TMPRSS15: variants seen among roughly 807,000 people sequenced by gnomAD.
TMPRSS15 encodes the protein enteropeptidase.
Under a neutral mutation model 125.3 loss-of-function variants are expected in TMPRSS15, and 128 were observed. That is an observed-to-expected ratio of 1.02 (90% CI 0.89 to 1.18). The LOEUF is 1.18. Among genes scored for constraint, TMPRSS15 ranks in the 50% most tolerant of loss-of-function variants. TMPRSS15 has a pLI of 0.00. For synonymous variants in TMPRSS15, 446 were observed against 423.2 expected, an observed-to-expected ratio of 1.05 and a Z score of -0.66; for missense variants, 1,283 against 1,212.7, an observed-to-expected ratio of 1.06 and a Z score of -0.86.
intron 18 of TMPRSS15, among the ~76,000 whole-genome samples, chr21:18,310,817 T>G (rs930989665): frequency 6.6e-6 from 1 of 151,648 alleles, no homozygotes; most frequent in Non-Finnish European, 1.5e-5. Context: ...CAAAATATTC[T>G]ACAAAATTAT....
intron 21 of TMPRSS15, among the ~76,000 whole-genome samples, chr21:18,281,979 C>T (rs2074704604): frequency 6.6e-6 from 1 of 151,378 alleles, no homozygotes; most frequent in Admixed American, 6.6e-5. Context: ...CGCCTGTAGT[C>T]CCAGCTACTT....
At chr21:18,445,347 A>G (rs2076253149) in intron 1 of TMPRSS15, among the ~76,000 whole-genome samples, 2 of 151,676 alleles carry the variant, frequency 1.3e-5, no homozygotes, top group African/African-American at 4.8e-5. Flanking sequence ...CTCCTGGCTA[A>G]TTTTTGTATT....
At position 18,439,312 on chromosome 21, in the gene TMPRSS15, GCA is replaced by G. The variant is rs900831476; in HGVS notation, c.11-40985_11-40984del. Among the ~76,000 whole-genome samples, 38 of 152,238 alleles carry G rather than the reference GCA, an allele frequency of 2.5e-4. 1 individual carries two copies. Among genetic ancestry groups the G allele is most frequent in the Admixed American group, 2.5e-3 (38 of 15,286 alleles). ...TCATATAATTGATGGAAAAACTGTA[GCA>G]CAGAGAGTTTAAAAGATTTACCCAG... On this transcript the variant is annotated intron_variant, in intron 1 of 7. Transcript: ENST00000422787.
intron 24 of TMPRSS15, among the ~76,000 whole-genome samples, chr21:18,270,956 A>T (rs2074547756): frequency 6.6e-6 from 1 of 152,212 alleles, no homozygotes; most frequent in Non-Finnish European, 1.5e-5. Context: ...TTTTGAAATC[A>T]CTGGTATAAT....
At chr21:18,357,215 T>C (rs375586076) in intron 8 of TMPRSS15, among the ~76,000 whole-genome samples, 66 of 151,982 alleles carry the variant, frequency 4.3e-4, no homozygotes, top group African/African-American at 1.6e-3. Flanking sequence ...TTCAATATTA[T>C]ACCTTCATCA....
At chr21:18,328,451 G>A (rs985327) in intron 15 of TMPRSS15, among the ~76,000 whole-genome samples, 25,006 of 152,042 alleles carry the variant, frequency 0.16, 1,990 homozygotes, top group Middle Eastern at 0.2. Flanking sequence ...TTGGACATCC[G>A]ATGTACACAT....
At chr21:18,347,945 T>C (rs1322618513) in intron 10 of TMPRSS15, among the ~76,000 whole-genome samples, 1 of 152,138 alleles carries the variant, frequency 6.6e-6, no homozygotes, top group Non-Finnish European at 1.5e-5. Flanking sequence ...CTTATACTAA[T>C]AATAATGATA....
At chr21:18,332,313 A>T in intron 13 of TMPRSS15, 140 bp from the exon 14 acceptor site, 1 of 737,972 alleles carries the variant, frequency 1.4e-6, no homozygotes, top group South Asian at 1.5e-5. Context: ...GTTAGGGTAA[A>T]TGCTGCAGTT....
intron 21 of TMPRSS15, among the ~76,000 whole-genome samples, chr21:18,292,435 A>G (rs1305802653): frequency 3.3e-5 from 5 of 152,216 alleles, no homozygotes; most frequent in Admixed American, 2.0e-4. Flanking sequence ...TTTCTCTGGT[A>G]ACAATTGGAC....
chr21:18,401,156 T>C lies in TMPRSS15; in HGVS notation c.145+2322A>G, dbSNP rs1029914007. ...GAAATGTAAATTAGTTCAGCCACTG[T>C]GCAAAGCAGTTTGGCTATTTCTCAA... On this transcript the variant is annotated intron_variant, in intron 1 of 24. Coordinates refer to ENST00000284885, the MANE Select transcript of TMPRSS15 (RefSeq NM_002772.3). Among the ~76,000 whole-genome samples the C allele has an allele frequency of 3.9e-5, 6 of 152,338 alleles. No homozygotes were observed. The East Asian group carries it at 1.2e-3, about 29-fold the overall frequency.
chr21:18,479,701 C>G (rs1978944830), intron 1 of TMPRSS15, among the ~76,000 whole-genome samples: 1 of 151,898 alleles, frequency 6.6e-6, no homozygotes, highest in Non-Finnish European at 1.5e-5. Context: ...CCATCTTATA[C>G]CAGTTAGAAT....
At chr21:18,401,410 T>G (rs544532394) in intron 1 of TMPRSS15, among the ~76,000 whole-genome samples, 5 of 152,224 alleles carry the variant, frequency 3.3e-5, no homozygotes, top group African/African-American at 1.2e-4. Flanking sequence ...TAAAAAAGAA[T>G]GAACTCATGT....
At chr21:18,392,244 A>G (rs945843626) in intron 3 of TMPRSS15, among the ~76,000 whole-genome samples, 11 of 152,186 alleles carry the variant, frequency 7.2e-5, no homozygotes, top group Non-Finnish European at 2.9e-5. Flanking sequence ...TCTTTCTGCC[A>G]CATAGTTAGC....
intron 16 of TMPRSS15, among the ~76,000 whole-genome samples, chr21:18,319,090 GAAAC>G (rs2075205760): frequency 6.6e-6 from 1 of 152,048 alleles, no homozygotes; most frequent in African/African-American, 2.4e-5. Flanking sequence ...TTGAAAAAAA[GAAAC>G]AATTTTATGA....
chr21:18,354,086 G>T (rs1021683879), intron 8 of TMPRSS15, among the ~76,000 whole-genome samples: 1 of 151,696 alleles, frequency 6.6e-6, no homozygotes, highest in Non-Finnish European at 1.5e-5. Flanking sequence ...CATATTTATG[G>T]TTTGATAAAA....
At chr21:18,276,089 G>C (rs1365723643) in intron 23 of TMPRSS15, among the ~76,000 whole-genome samples, 1 of 152,178 alleles carries the variant, frequency 6.6e-6, no homozygotes, top group Non-Finnish European at 1.5e-5. Context: ...ACGTTGAAGA[G>C]AAGTTAGTAC....
chr21:18,325,507 TGG>T (rs1285946350), intron 16 of TMPRSS15, among the ~76,000 whole-genome samples: 2 of 152,098 alleles, frequency 1.3e-5, no homozygotes, highest in Non-Finnish European at 2.9e-5. Flanking sequence ...TAATAGTAAC[TGG>T]ATTTTGTATT....
At chr21:18,325,368 T>C (rs1057172039) in intron 16 of TMPRSS15, among the ~76,000 whole-genome samples, 1 of 152,118 alleles carries the variant, frequency 6.6e-6, no homozygotes, top group Non-Finnish European at 1.5e-5. Flanking sequence ...ATAATATCAG[T>C]TGTGCTTCAT....
At chr21:18,276,136 C>G (rs2074616804) in intron 23 of TMPRSS15, among the ~76,000 whole-genome samples, 1 of 152,148 alleles carries the variant, frequency 6.6e-6, no homozygotes, top group African/African-American at 2.4e-5. Context: ...ATTTATGTGA[C>G]CTCATTTCTA....
Sources: allele counts gnomAD v4.1 joint callset (sites outside exome capture counted in the v4.1 genomes callset), GRCh38; gene constraint gnomAD v4.1.1; transcripts MANE v1.5; gene names NCBI Gene and HGNC (gene_info 2026-07-23, HGNC 2026-07-21).